TF: variants seen among roughly 807,000 people sequenced by gnomAD.
TF encodes the protein transferrin, also known as serotransferrin.
In TF, 55 loss-of-function variants were observed where a neutral mutation model predicts 82.4. That is an observed-to-expected ratio of 0.67 (90% CI 0.54 to 0.84). The LOEUF is 0.84. Among genes scored for constraint, TF ranks in the 40% least tolerant of loss-of-function variants. The pLI is 0.00. For missense variants in TF, 737 were observed against 868.4 expected, an observed-to-expected ratio of 0.85 and a Z score of 1.90; for synonymous variants, 332 against 332.6, an observed-to-expected ratio of 1.00 and a Z score of 0.02.
chr3:133,787,492 T>G lies in TF; in HGVS notation c.*8872T>G, dbSNP rs1464765120. The G allele has an allele frequency of 2.0e-5, 3 of 152,254 alleles. No homozygotes were observed. The East Asian group carries it at 5.8e-4, about 29-fold the overall frequency. 9.4% of individuals were successfully genotyped at this position (152,254 alleles called of 1,614,324 possible). A position where few individuals can be genotyped will look rare whatever the true frequency, so the allele number is the denominator to read the frequency against. ...ACACAGTGGAAAGTTATATGAAATA[T>G]CTGGTCTCTCTAGATAGTTAGAAAT... On this transcript the variant is annotated 3_prime_UTR_variant, in exon 17 of 17. Coordinates refer to ENST00000402696, the MANE Select transcript of TF (RefSeq NM_001063.4).
chr3:133,689,320 C>T, the TF span, among the ~76,000 whole-genome samples: 11 of 151,414 alleles, frequency 7.3e-5, no homozygotes, highest in African/African-American at 1.2e-4. Flanking sequence ...CGAGACTCTG[C>T]GTCAAAATAA....
At chr3:133,724,490 T>C in the TF span, among the ~76,000 whole-genome samples, 2 of 152,226 alleles carry the variant, frequency 1.3e-5, no homozygotes, top group Non-Finnish European at 2.9e-5. Context: ...TTTGCCCACA[T>C]TTGATGGGGT....
rs2107950616 is a variant in TF, at chr3:133,789,417, C to A, written c.*10797C>A. ...GGTTTGGCCTTTAAAAATCAAACTG[C>A]CATGGAAATTGCTTTACCTGAAATA... On this transcript the variant is annotated 3_prime_UTR_variant, in exon 17 of 17. Coordinates refer to ENST00000402696, the MANE Select transcript of TF (RefSeq NM_001063.4). 1 of 152,320 alleles carries A rather than the reference C, an allele frequency of 6.6e-6. No individual in the cohort carries two copies. Among genetic ancestry groups the A allele is most frequent in the South Asian group, 2.1e-4 (1 of 4,826 alleles). 9.4% of individuals were successfully genotyped at this position (152,320 alleles called of 1,614,324 possible).
intron 9 of TF, 58 bp downstream of exon 9, chr3:133,759,387 C>T (rs1436571267): frequency 6.2e-7 from 1 of 1,600,302 alleles, no homozygotes; most frequent in Non-Finnish European, 8.5e-7. Flanking sequence ...TGCTGGCCCC[C>T]AAGACTGAGC....
chr3:133,792,599 C>A lies in TF; in HGVS notation c.*13979C>A, dbSNP rs1934868630. The A allele has an allele frequency of 1.3e-5, 2 of 152,120 alleles. No individual in the cohort carries two copies. Among genetic ancestry groups the A allele is most frequent in the Non-Finnish European group, 2.9e-5 (2 of 68,024 alleles). 9.4% of individuals were successfully genotyped at this position (152,120 alleles called of 1,614,324 possible). On this transcript the variant is annotated 3_prime_UTR_variant, in exon 17 of 17. Transcript: ENST00000402696. The stretch of plus-strand genomic sequence containing the variant: ...AAGTTTTCACCAAAAGTAAAACTCG[C>A]TAAGAGTTAACATTGTAACATGTAA...
chr3:133,699,274 G>A, the TF span, among the ~76,000 whole-genome samples: 1 of 152,228 alleles, frequency 6.6e-6, no homozygotes, highest in African/African-American at 2.4e-5. Flanking sequence ...TGAACCAGCT[G>A]TTTCACTCCT....
chr3:133,764,026 G>A (rs8177272), intron 9 of TF, among the ~76,000 whole-genome samples, 156 bp from the exon 10 acceptor site: 44,693 of 152,166 alleles, frequency 0.29, 7,282 homozygotes, highest in South Asian at 0.42. Flanking sequence ...TCTCTGCTGA[G>A]TGTGCCTGGC....
the TF span, among the ~76,000 whole-genome samples, chr3:133,739,017 G>A: frequency 8.4e-4 from 128 of 152,238 alleles, no homozygotes; most frequent in African/African-American, 2.9e-3. Context: ...ACAATCCTAA[G>A]CCAAAAGAAC....
the TF span, among the ~76,000 whole-genome samples, chr3:133,732,109 T>G: frequency 1.8e-3 from 276 of 152,174 alleles, no homozygotes; most frequent in Non-Finnish European, 3.6e-3. Flanking sequence ...GGGAAGATAT[T>G]GGTCAGGATA....
At chr3:133,708,589 T>C in the TF span, among the ~76,000 whole-genome samples, 1 of 151,896 alleles carries the variant, frequency 6.6e-6, no homozygotes, top group Non-Finnish European at 1.5e-5. Context: ...CAGAGTGCCC[T>C]GGAGGTCTGA....
chr3:133,739,752 T>C, the TF span, among the ~76,000 whole-genome samples: 1 of 152,178 alleles, frequency 6.6e-6, no homozygotes. Context: ...TCACTGGTCA[T>C]TAGAGAAATG....
chr3:133,768,328 A>G (rs1934178548), intron 13 of TF, among the ~76,000 whole-genome samples, 164 bp downstream of exon 13: 1 of 152,238 alleles, frequency 6.6e-6, no homozygotes, highest in Admixed American at 6.5e-5. Context: ...AGGGGCAGCC[A>G]GACTCCCCCA....
chr3:133,695,126 T>G, the TF span, among the ~76,000 whole-genome samples: 1 of 151,994 alleles, frequency 6.6e-6, no homozygotes, highest in African/African-American at 2.4e-5. Flanking sequence ...TAGCCAGCAG[T>G]CCGGGCTGAC....
At chr3:133,771,798 T>C (rs1010234243) in intron 14 of TF, among the ~76,000 whole-genome samples, 3 of 150,174 alleles carry the variant, frequency 2.0e-5, no homozygotes, top group East Asian at 1.9e-4. Context: ...TGGGTGAACG[T>C]TGGACAGCCA....
chr3:133,794,120 G>A lies in TF; in HGVS notation c.*15500G>A, dbSNP rs994120761. The A allele has an allele frequency of 3.3e-5, 5 of 152,286 alleles. No homozygotes were observed. Among genetic ancestry groups the A allele is most frequent in the South Asian group, 2.1e-4 (1 of 4,826 alleles). The allele number at this position is 152,286 out of a possible 1,614,324, so 9.4% of individuals were successfully genotyped here. A position where few individuals can be genotyped will look rare whatever the true frequency, so the allele number is the denominator to read the frequency against. On this transcript the variant is annotated 3_prime_UTR_variant, in exon 17 of 17. Transcript: ENST00000402696. ...AAACAACTGGTATTCAAGAGGATAT[G>A]AGTCTAATGTTAATTAAGCATGAAC...
chr3:133,680,115 T>C, the TF span, among the ~76,000 whole-genome samples: 2 of 152,342 alleles, frequency 1.3e-5, no homozygotes, highest in African/African-American at 4.8e-5. Context: ...TATAGTCTTT[T>C]ATGATGTTTC....
chr3:133,775,413 C>T lies in TF; in HGVS notation c.1688-20C>T. The T allele has an allele frequency of 8.1e-6, 13 of 1,614,112 alleles. No homozygotes were observed. The highest frequency in any genetic ancestry group is 1.1e-5 in the Non-Finnish European group (13 of 1,179,962). On this transcript the variant is annotated intron_variant, in intron 14 of 16. Coordinates refer to ENST00000402696, the MANE Select transcript of TF (RefSeq NM_001063.4). Reference sequence around the variant, plus strand: ...CCTTGACCAAAGCCATCAGCTGAACCACCTTCTTCCTGTCCCTAGGAAAAA... The same window carrying T: ...CCTTGACCAAAGCCATCAGCTGAACTACCTTCTTCCTGTCCCTAGGAAAAA...
the TF span, among the ~76,000 whole-genome samples, chr3:133,692,267 T>C: frequency 5.9e-5 from 9 of 152,246 alleles, no homozygotes; most frequent in African/African-American, 1.7e-4. Flanking sequence ...GCTTTACCTC[T>C]TTCCCATACT....
At chr3:133,674,697 G>A in the TF span, among the ~76,000 whole-genome samples, 1 of 151,586 alleles carries the variant, frequency 6.6e-6, no homozygotes, top group Non-Finnish European at 1.5e-5. Flanking sequence ...GGTGCTCCGG[G>A]GAGGCACTGG....
Sources: allele counts gnomAD v4.1 joint callset (sites outside exome capture counted in the v4.1 genomes callset), GRCh38; gene constraint gnomAD v4.1.1; transcripts MANE v1.5; gene names NCBI Gene and HGNC (gene_info 2026-07-23, HGNC 2026-07-21).